GPD2: variants seen among roughly 807,000 people sequenced by gnomAD.
GPD2 encodes glycerol-3-phosphate dehydrogenase, mitochondrial.
A neutral mutation model predicts 82.4 loss-of-function variants in GPD2; 54 were observed. The ratio of observed to expected loss-of-function variants is 0.66; its 90% CI spans 0.53 to 0.82. The LOEUF (loss-of-function observed/expected upper bound fraction) is 0.82, where lower values mean the gene tolerates loss of function less well. Among genes scored for constraint, GPD2 ranks in the 40% least tolerant of loss-of-function variants. GPD2 has a pLI of 0.00. For synonymous variants in GPD2, 288 were observed against 306.1 expected (o/e 0.94, Z 0.62); for missense variants, 748 against 896.2 (o/e 0.83, Z 2.11).
chr2:156,528,954 G>C (rs999904090), intron 6 of GPD2, among the ~76,000 whole-genome samples: 8 of 152,164 alleles, frequency 5.3e-5, no homozygotes, highest in Non-Finnish European at 1.0e-4. Flanking sequence ...TATATACCCA[G>C]TAATGGGATG....
chr2:156,553,416 GA>G (rs1275546478), intron 8 of GPD2, among the ~76,000 whole-genome samples: 1 of 151,938 alleles, frequency 6.6e-6, no homozygotes, highest in African/African-American at 2.4e-5. Context: ...ACATTTATGA[GA>G]TTTTTTAATA....
intron 6 of GPD2, among the ~76,000 whole-genome samples, chr2:156,544,751 T>C (rs1558952933): frequency 1.3e-5 from 2 of 152,144 alleles, no homozygotes; most frequent in African/African-American, 4.8e-5. Flanking sequence ...TCTCCTTTTA[T>C]AGGACACTGA....
chr2:156,545,822 A>G (rs1686509855), intron 6 of GPD2, among the ~76,000 whole-genome samples: 1 of 152,148 alleles, frequency 6.6e-6, no homozygotes, highest in African/African-American at 2.4e-5. Context: ...ATAGTTGCCA[A>G]ACTTTGACTC....
At chr2:156,494,632 G>A (rs908022619) in intron 2 of GPD2, among the ~76,000 whole-genome samples, 1 of 152,156 alleles carries the variant, frequency 6.6e-6, no homozygotes, top group Non-Finnish European at 1.5e-5. Flanking sequence ...ATAATCTCTT[G>A]GTAACGCCTG....
chr2:156,437,392 A>G (rs995499377), intron 1 of GPD2, among the ~76,000 whole-genome samples: 4 of 152,166 alleles, frequency 2.6e-5, no homozygotes, highest in Non-Finnish European at 5.9e-5. Context: ...CACTGGGCCC[A>G]GGCACTTCTT....
At chr2:156,468,848 CTTAG>C (rs1490648047) in intron 1 of GPD2, among the ~76,000 whole-genome samples, 1 of 152,116 alleles carries the variant, frequency 6.6e-6, no homozygotes, top group Non-Finnish European at 1.5e-5. Context: ...CGAACATTCT[CTTAG>C]TTATTTTTAA....
intron 16 of GPD2, among the ~76,000 whole-genome samples, chr2:156,580,090 C>T (rs989313885): frequency 6.6e-6 from 1 of 152,118 alleles, no homozygotes; most frequent in African/African-American, 2.4e-5. Context: ...AAGACGTATG[C>T]CATGGCATAT....
At chr2:156,505,802 C>A (rs1235184851) in intron 3 of GPD2, among the ~76,000 whole-genome samples, 10 of 152,198 alleles carry the variant, frequency 6.6e-5, no homozygotes. Flanking sequence ...ATACTATTCA[C>A]TATCTGAGAA....
chr2:156,554,719 G>A (rs985608466), intron 8 of GPD2, among the ~76,000 whole-genome samples: 6 of 152,134 alleles, frequency 3.9e-5, no homozygotes, highest in South Asian at 2.1e-4. Flanking sequence ...TACACCAAAC[G>A]ACTGAAATAC....
intron 6 of GPD2, among the ~76,000 whole-genome samples, chr2:156,534,625 G>A (rs964987428): frequency 6.6e-6 from 1 of 152,190 alleles, no homozygotes; most frequent in African/African-American, 2.4e-5. Context: ...GCAGCATTTT[G>A]TATAGTAAGT....
At chr2:156,464,510 C>A (rs1225094100) in intron 1 of GPD2, among the ~76,000 whole-genome samples, 2 of 152,026 alleles carry the variant, frequency 1.3e-5, no homozygotes, top group Non-Finnish European at 2.9e-5. Flanking sequence ...CAGCTTTTTT[C>A]CTAGGGATCT....
At chr2:156,496,693 A>G (rs888180282) in intron 3 of GPD2, among the ~76,000 whole-genome samples, 26 of 151,868 alleles carry the variant, frequency 1.7e-4, no homozygotes, top group Non-Finnish European at 1.3e-4. Context: ...TTTATATTTT[A>G]TGAGTTTATT....
intron 4 of GPD2, among the ~76,000 whole-genome samples, chr2:156,511,996 C>A (rs769421035): frequency 3.3e-5 from 5 of 152,138 alleles, no homozygotes; most frequent in Non-Finnish European, 2.9e-5. Context: ...CACCTGGGAA[C>A]TCTGACAGCA....
intron 1 of GPD2, among the ~76,000 whole-genome samples, chr2:156,446,452 A>G (rs921827788): frequency 2.6e-5 from 4 of 152,118 alleles, no homozygotes; most frequent in African/African-American, 9.7e-5. Flanking sequence ...CATTGGCTGG[A>G]AGTCTGTTGT....
chr2:156,485,587 A>G (rs1047672350), intron 2 of GPD2, among the ~76,000 whole-genome samples: 2 of 152,252 alleles, frequency 1.3e-5, no homozygotes, highest in South Asian at 2.1e-4. Flanking sequence ...GAAGTAAGCT[A>G]ATTGGTATAA....
chr2:156,401,393 T>C, the GPD2 span, among the ~76,000 whole-genome samples: 10 of 152,230 alleles, frequency 6.6e-5, no homozygotes, highest in African/African-American at 2.2e-4. Context: ...TATACTACTT[T>C]AGAACTTTAT....
chr2:156,539,337 G>C (rs1686213462), intron 6 of GPD2, among the ~76,000 whole-genome samples: 1 of 152,204 alleles, frequency 6.6e-6, no homozygotes, highest in Non-Finnish European at 1.5e-5. Context: ...CCCAGAACCT[G>C]AGTTAGTGGC....
chr2:156,438,357 A>G (rs982896596), intron 1 of GPD2, among the ~76,000 whole-genome samples: 1 of 152,256 alleles, frequency 6.6e-6, no homozygotes, highest in African/African-American at 2.4e-5. Flanking sequence ...TCAAAAGACT[A>G]GCTTCCATCC....
the GPD2 span, among the ~76,000 whole-genome samples, chr2:156,426,582 G>A: frequency 6.6e-6 from 1 of 152,306 alleles, no homozygotes; most frequent in South Asian, 2.1e-4. Flanking sequence ...AATATTGCCT[G>A]ATACACAAGT....
Sources: gnomAD v4.1 joint callset for allele counts (sites outside exome capture counted in the v4.1 genomes callset) on GRCh38, gnomAD v4.1.1 for gene constraint, MANE v1.5 for transcripts, NCBI Gene and HGNC (gene_info 2026-07-23, HGNC 2026-07-21) for gene names.